Variants in NBPF11 observed in about 807,000 individuals in gnomAD.
NBPF11 encodes NBPF family member NBPF11.
In NBPF11, 72 loss-of-function variants were observed where a neutral mutation model predicts 93.9. The observed-to-expected ratio is 0.77, with a 90% CI of 0.63 to 0.93. The LOEUF is 0.93. Ranked by LOEUF, NBPF11 falls within the 40% of genes least tolerant of loss-of-function variation. The pLI is 0.00. For synonymous variants in NBPF11, 224 were observed against 304.9 expected (o/e 0.73, Z 2.76); for missense variants, 705 against 802.2 (o/e 0.88, Z 1.46).
At chr1:148,116,154 G>A (rs60988106) in intron 13 of NBPF11, among the ~76,000 whole-genome samples, 156 bp from the exon 14 acceptor site, 1 of 151,754 alleles carries the variant, frequency 6.6e-6, no homozygotes, top group Admixed American at 6.6e-5. Flanking sequence ...ATCCTGTTCT[G>A]TCTGCAACAG....
chr1:148,106,174 C>T lies in NBPF11; in HGVS notation c.2303+7G>A, dbSNP rs1452297973. 14 of 854,932 alleles carry T rather than the reference C, an allele frequency of 1.6e-5. No homozygotes were observed. In the East Asian group the frequency reaches 3.1e-4, roughly 19 times the overall value. 53.0% of individuals were successfully genotyped at this position (854,932 alleles called of 1,614,324 possible). ...ACAGAAGTAGCTGTTCACAATTGCT[C>T]AGTTACCTGGGGCACGGTGGGCCTT... is the stretch of plus-strand genomic sequence containing the variant. On this transcript the variant is annotated splice_region_variant and intron_variant, in intron 21 of 23. Coordinates refer to ENST00000682118, the MANE Select transcript of NBPF11 (RefSeq NM_001385469.3).
chr1:148,109,233 C>A, intron 17 of NBPF11, 51 bp downstream of exon 17: 9 of 914,568 alleles, frequency 9.8e-6, no homozygotes, highest in Non-Finnish European at 1.6e-5. Flanking sequence ...CTGGACTTGG[C>A]ATCTCCAGGT....
chr1:148,109,735 G>A (rs1249968760), intron 16 of NBPF11, among the ~76,000 whole-genome samples: 1 of 128,992 alleles, frequency 7.8e-6, no homozygotes, highest in African/African-American at 3.2e-5. Flanking sequence ...TTTGATGAAG[G>A]GGTGCAATGT....
chr1:148,146,065 G>A (rs1452760932), intron 1 of NBPF11, among the ~76,000 whole-genome samples: 6 of 151,976 alleles, frequency 3.9e-5, no homozygotes, highest in Admixed American at 3.9e-4. Context: ...AAAAGATTTA[G>A]GGGCAGGGGT....
intron 18 of NBPF11, among the ~76,000 whole-genome samples, chr1:148,108,035 C>T (rs1412745357): frequency 4.0e-5 from 6 of 150,422 alleles, no homozygotes; most frequent in African/African-American, 7.4e-5. Flanking sequence ...CATATTTTTC[C>T]AATCGATTTA....
intron 3 of NBPF11, among the ~76,000 whole-genome samples, chr1:148,136,427 G>A (rs1175908471): frequency 2.6e-5 from 4 of 151,326 alleles, no homozygotes; most frequent in Admixed American, 2.0e-4. Flanking sequence ...CCATGGAATG[G>A]CTAAAGGAAC....
Position 148,102,374 on chromosome 1 carries a change from G to C in NBPF11, c.*1522C>G, listed in dbSNP as rs1362640218. 6.6e-5 allele frequency: 10 copies of C among 151,364 alleles called. No individual in the cohort carries two copies. Among genetic ancestry groups the C allele is most frequent in the African/African-American group, 2.5e-4 (10 of 40,710 alleles). 9.4% of individuals were successfully genotyped at this position (151,364 alleles called of 1,614,324 possible). ...TAAAATGTTTAGAGGATGATCATTA[G>C]AATACAGGATATTTATACTCTTGAA... On this transcript the variant is annotated 3_prime_UTR_variant, in exon 24 of 24. Coordinates refer to ENST00000682118, the MANE Select transcript of NBPF11 (RefSeq NM_001385469.3).
intron 1 of NBPF11, among the ~76,000 whole-genome samples, chr1:148,144,125 G>A (rs1423632666): frequency 5.9e-5 from 9 of 151,632 alleles, no homozygotes; most frequent in African/African-American, 1.9e-4. Flanking sequence ...TAGTGAACAA[G>A]AATTCGATTC....
intron 1 of NBPF11, among the ~76,000 whole-genome samples, chr1:148,145,905 CCA>C (rs1672922606): frequency 6.6e-6 from 1 of 151,754 alleles, no homozygotes; most frequent in African/African-American, 2.4e-5. Context: ...TAGAGAATCT[CCA>C]TTCATGAAAA....
At chr1:148,127,821 T>C (rs1444566814) in intron 4 of NBPF11, among the ~76,000 whole-genome samples, 4 of 151,352 alleles carry the variant, frequency 2.6e-5, no homozygotes, top group African/African-American at 7.3e-5. Context: ...TTTTCTTTTT[T>C]TTTTTTTTGT....
chr1:148,119,736 A>G (rs1667396153), intron 10 of NBPF11, among the ~76,000 whole-genome samples: 1 of 151,888 alleles, frequency 6.6e-6, no homozygotes, highest in South Asian at 2.1e-4. Context: ...GCTCACTGCA[A>G]CCTCAGCCTC....
rs1285242426 is a variant in NBPF11, at chr1:148,102,829, T to A, written c.*1067A>T. ...TTTTGTTGTGTGATTTGTGGTGATA[T>A]GGACTATGTGAAGGAGACAGGTCAG... is the stretch of plus-strand genomic sequence containing the variant. On this transcript the variant is annotated 3_prime_UTR_variant, in exon 24 of 24. Transcript: ENST00000682118. 7.4e-5 allele frequency: 11 copies of A among 148,572 alleles called. No individual in the cohort carries two copies. In the East Asian group the frequency reaches 2.0e-3, roughly 26 times the overall value. 9.2% of individuals were successfully genotyped at this position (148,572 alleles called of 1,614,324 possible). A position where few individuals can be genotyped will look rare whatever the true frequency, so the allele number is the denominator to read the frequency against.
At position 148,151,532 on chromosome 1, in the gene NBPF11, G is replaced by A. The variant is rs1359355505; in HGVS notation, c.-549+218C>T. Among the ~76,000 whole-genome samples, 409 of 152,102 alleles carry A rather than the reference G, an allele frequency of 2.7e-3. 9 individuals carry two copies. Among genetic ancestry groups the A allele is most frequent in the African/African-American group, 9.4e-3 (389 of 41,380 alleles). On this transcript the variant is annotated intron_variant, in intron 1 of 23. Coordinates refer to ENST00000682118, the MANE Select transcript of NBPF11 (RefSeq NM_001385469.3). ...CCTGCCAGGGAGTTTCTTCCCCAGC[G>A]CCCACGAGAGGAGGGCTGCGGGCTG...
At chr1:148,142,744 A>G (rs1672400237) in intron 2 of NBPF11, among the ~76,000 whole-genome samples, 1 of 151,690 alleles carries the variant, frequency 6.6e-6, no homozygotes, top group Admixed American at 6.6e-5. Context: ...ATGGTACCTA[A>G]TAGTCACCCC....
At chr1:148,114,301 C>A (rs1430583761) in intron 15 of NBPF11, 136 bp downstream of exon 15, 21 of 729,096 alleles carry the variant, frequency 2.9e-5, no homozygotes, top group Non-Finnish European at 5.0e-5. Flanking sequence ...AAATGACATA[C>A]AACATTGTAA....
chr1:148,111,424 G>C (rs1216183166), intron 15 of NBPF11, among the ~76,000 whole-genome samples: 1 of 152,012 alleles, frequency 6.6e-6, no homozygotes, highest in Non-Finnish European at 1.5e-5. Flanking sequence ...ACAGAAGTAG[G>C]CTTCAGAAAG....
intron 2 of NBPF11, among the ~76,000 whole-genome samples, chr1:148,141,785 C>A (rs1165173433): frequency 6.6e-6 from 1 of 151,616 alleles, no homozygotes. Context: ...CCCAGTGGCA[C>A]CCACAAATCA....
chr1:148,106,736 G>C (rs1663728766), intron 20 of NBPF11, among the ~76,000 whole-genome samples: 2 of 148,738 alleles, frequency 1.3e-5, no homozygotes, highest in East Asian at 2.0e-4. Flanking sequence ...CATGGCTGGA[G>C]ACTAGGAATA....
intron 1 of NBPF11, chr1:148,149,546 C>G (rs1232847627): frequency 5.6e-6 from 9 of 1,593,908 alleles, no homozygotes; most frequent in South Asian, 1.1e-5. Context: ...CTCCCAGGAG[C>G]TGCCCAGCCA....
Sources: gnomAD v4.1 joint callset for allele counts (sites outside exome capture counted in the v4.1 genomes callset) on GRCh38, gnomAD v4.1.1 for gene constraint, MANE v1.5 for transcripts, NCBI Gene and HGNC (gene_info 2026-07-23, HGNC 2026-07-21) for gene names.